The following FAT3 variants were observed in gnomAD, a reference collection of about 807,000 sequenced individuals.
FAT3 encodes the protein FAT atypical cadherin 3.
Under a neutral mutation model 310.2 loss-of-function variants are expected in FAT3, and 95 were observed. That is an observed-to-expected ratio of 0.31 (90% CI 0.26 to 0.36). The LOEUF (loss-of-function observed/expected upper bound fraction) is 0.36, where lower values mean the gene tolerates loss of function less well. Among genes scored for constraint, FAT3 ranks in the 10% least tolerant of loss-of-function variants. FAT3 has a pLI of 1.00. For synonymous variants in FAT3, 2,314 were observed against 2,192.9 expected (o/e 1.06, Z -1.54); for missense variants, 5,408 against 5,715.6 (o/e 0.95, Z 1.74).
intron 1 of FAT3, among the ~76,000 whole-genome samples, chr11:92,255,922 T>C (rs1415170610): frequency 6.6e-6 from 1 of 152,150 alleles, no homozygotes; most frequent in East Asian, 1.9e-4. Flanking sequence ...AGAAACAGCA[T>C]TCATTGCCCA....
chr11:92,549,411 C>G (rs1396661706), intron 3 of FAT3, among the ~76,000 whole-genome samples: 1 of 152,192 alleles, frequency 6.6e-6, no homozygotes, highest in Non-Finnish European at 1.5e-5. Context: ...TTATTTTTCA[C>G]TTACCACCAT....
At chr11:92,545,283 C>G (rs995475246) in intron 3 of FAT3, among the ~76,000 whole-genome samples, 1 of 152,122 alleles carries the variant, frequency 6.6e-6, no homozygotes, top group African/African-American at 2.4e-5. Context: ...GTGCCCCTTC[C>G]CTGCTTTATT....
intron 2 of FAT3, among the ~76,000 whole-genome samples, chr11:92,403,748 G>A (rs539824918): frequency 4.9e-4 from 74 of 152,224 alleles, no homozygotes; most frequent in African/African-American, 1.7e-3. Context: ...TACAAAACAA[G>A]TATGGGGGCC....
chr11:92,427,279 C>T (rs886071389), intron 2 of FAT3, among the ~76,000 whole-genome samples: 7 of 152,234 alleles, frequency 4.6e-5, no homozygotes, highest in African/African-American at 7.2e-5. Context: ...TGGGCTAAGA[C>T]GATGGAGTTT....
intron 4 of FAT3, among the ~76,000 whole-genome samples, chr11:92,760,124 C>T (rs1264869326): frequency 1.3e-5 from 2 of 152,208 alleles, no homozygotes; most frequent in East Asian, 1.9e-4. Context: ...CCAACCTTGG[C>T]ACATTTTGGT....
Position 92,383,309 on chromosome 11 carries a change from G to A in FAT3, c.3292+27905G>A, listed in dbSNP as rs546068874. ...TGCTGCAATGAACATACATGTGTGT[G>A]TATCTTTATAATAGAATGAATTATA... On this transcript the variant is annotated intron_variant, in intron 2 of 27. Transcript: ENST00000525166. 3.9e-5 allele frequency among the ~76,000 whole-genome samples: 6 copies of A among 152,286 alleles called. No individual in the cohort carries two copies. The South Asian group carries it at 8.3e-4, about 21-fold the overall frequency.
intron 2 of FAT3, among the ~76,000 whole-genome samples, chr11:92,368,645 C>G (rs1049180316): frequency 6.6e-6 from 1 of 151,974 alleles, no homozygotes; most frequent in African/African-American, 2.4e-5. Context: ...TCATTTTAGC[C>G]TAATTTCTCC....
chr11:92,766,164 G>T (rs1020499790), intron 6 of FAT3, among the ~76,000 whole-genome samples: 4 of 152,222 alleles, frequency 2.6e-5, no homozygotes, highest in African/African-American at 9.6e-5. Context: ...AAAGGAAAGG[G>T]CAAAACAGCC....
rs138625464 is a variant in FAT3, at chr11:92,362,499, A to C, written c.3292+7095A>C. Among the ~76,000 whole-genome samples the C allele has an allele frequency of 5.8e-3, 890 of 152,280 alleles. 5 individuals are homozygous for C. Among genetic ancestry groups the C allele is most frequent in the South Asian group, 0.018 (86 of 4,822 alleles). On this transcript the variant is annotated intron_variant, in intron 2 of 27. Coordinates refer to ENST00000525166, the MANE Select transcript of FAT3 (RefSeq NM_001367949.2). ...ACCAATGGGAACCTAAGAAAGAAGG[A>C]GAGCCAGGTCAGGATATTCATCCCT...
intron 1 of FAT3, among the ~76,000 whole-genome samples, chr11:92,266,467 C>A (rs2134321722): frequency 6.6e-6 from 1 of 152,254 alleles, no homozygotes; most frequent in African/African-American, 2.4e-5. Context: ...TACTTTTCAG[C>A]TTTTATCACT....
Position 92,352,364 on chromosome 11 carries a change from G to T in FAT3, c.252G>T (p.Val84=), listed in dbSNP as rs542847857. ...DLSWDIKYRI[V]SGDEEGFFKA... ...CCTGGGATATCAAATACAGAATAGT[G>T]TCCGGAGACGAGGAAGGCTTTTTCA... Residue 84 remains valine, a synonymous_variant, in exon 2 of 28, where the codon GTG becomes GTT. Coordinates refer to ENST00000525166, the MANE Select transcript of FAT3 (RefSeq NM_001367949.2). 2.2e-5 allele frequency: 35 copies of T among 1,601,832 alleles called. No individual in the cohort carries two copies. In the East Asian group the frequency reaches 7.5e-4, roughly 34 times the overall value.
At chr11:92,692,457 G>T (rs571707719) in intron 3 of FAT3, among the ~76,000 whole-genome samples, 1 of 152,178 alleles carries the variant, frequency 6.6e-6, no homozygotes, top group Non-Finnish European at 1.5e-5. Context: ...GCAAAATGTT[G>T]TGTGCTGCAA....
chr11:92,565,941 G>A (rs3018181), intron 3 of FAT3, among the ~76,000 whole-genome samples: 59,168 of 151,742 alleles, frequency 0.39, 12,263 homozygotes, highest in Middle Eastern at 0.53. Flanking sequence ...TACTGAATGG[G>A]CAAAAACTGG....
intron 3 of FAT3, among the ~76,000 whole-genome samples, chr11:92,629,654 TC>T (rs1941479563): frequency 5.3e-5 from 8 of 152,206 alleles, no homozygotes; most frequent in Middle Eastern, 3.4e-3. Flanking sequence ...CAAGCAATCC[TC>T]CTGCCTCAGC....
At chr11:92,670,207 A>G (rs1484829118) in intron 3 of FAT3, among the ~76,000 whole-genome samples, 1 of 152,234 alleles carries the variant, frequency 6.6e-6, no homozygotes, top group Non-Finnish European at 1.5e-5. Context: ...CTTTTGAAGC[A>G]CAGGCAGCCT....
intron 3 of FAT3, among the ~76,000 whole-genome samples, chr11:92,580,664 T>C (rs1938739439): frequency 6.6e-6 from 1 of 152,076 alleles, no homozygotes. Flanking sequence ...GCTTACTAAA[T>C]ATCTATTAAG....
intron 3 of FAT3, among the ~76,000 whole-genome samples, chr11:92,554,084 G>A (rs1181360570): frequency 6.6e-6 from 1 of 152,056 alleles, no homozygotes; most frequent in South Asian, 2.1e-4. Context: ...GGGATTACAG[G>A]TGTGAGCCAC....
intron 2 of FAT3, among the ~76,000 whole-genome samples, chr11:92,516,703 C>T (rs1424422651): frequency 6.6e-6 from 1 of 152,150 alleles, no homozygotes; most frequent in Non-Finnish European, 1.5e-5. Flanking sequence ...CAAATTGTCT[C>T]TGTTTGCAAA....
At chr11:92,602,895 G>C (rs1435825913) in intron 3 of FAT3, among the ~76,000 whole-genome samples, 1 of 152,178 alleles carries the variant, frequency 6.6e-6, no homozygotes, top group Non-Finnish European at 1.5e-5. Context: ...TTTATTTCAT[G>C]TATTTGTTAG....
Sources: allele counts gnomAD v4.1 joint callset (sites outside exome capture counted in the v4.1 genomes callset), GRCh38; gene constraint gnomAD v4.1.1; transcripts MANE v1.5; gene names NCBI Gene and HGNC (gene_info 2026-07-23, HGNC 2026-07-21).